Variants in DOP1B observed in about 807,000 individuals in gnomAD.
DOP1B encodes protein DOP1B.
In DOP1B, 174 loss-of-function variants were observed where a neutral mutation model predicts 233.5. The ratio of observed to expected loss-of-function variants is 0.75; its 90% confidence interval spans 0.66 to 0.85. The LOEUF (loss-of-function observed/expected upper bound fraction) is 0.85, where lower values mean the gene tolerates loss of function less well. Ranked by LOEUF, DOP1B falls within the 40% of genes least tolerant of loss-of-function variation. The probability of loss-of-function intolerance (pLI) is 0.00; values close to 1 mark genes in which losing one functional copy is unlikely to be tolerated. For missense variants in DOP1B, 2,652 were observed against 2,846.6 expected (o/e 0.93, Z 1.56); for synonymous variants, 1,190 against 1,185.6 (o/e 1.00, Z -0.08).
rs2067163818 is a variant in DOP1B at position 36,261,029 on chromosome 21, A to G, written c.5315+297A>G. 4 of 1,127,760 alleles carry G rather than the reference A, an allele frequency of 3.5e-6. No homozygotes were observed. The South Asian group carries it at 1.0e-4, about 28-fold the overall frequency. The allele number at this position is 1,127,760 out of a possible 1,614,324, so 69.9% of individuals were successfully genotyped here. On this transcript the variant is annotated intron_variant, in intron 24 of 36. Transcript: ENST00000691173. ...TGCATTAAATTGATACAGAAAAAGA[A>G]AAAAACCACATATAGGGAAGTGTTA...
intron 22 of DOP1B, 54 bp from the exon 23 acceptor site, chr21:36,253,718 T>G (rs1379800505): frequency 1.3e-6 from 2 of 1,582,780 alleles, no homozygotes; most frequent in Non-Finnish European, 1.7e-6. Context: ...TGTGTCATCC[T>G]TATTTTTACT....
At chr21:36,227,374 C>T (rs752902766) in intron 12 of DOP1B, among the ~76,000 whole-genome samples, 77 of 151,358 alleles carry the variant, frequency 5.1e-4, no homozygotes, top group South Asian at 8.4e-4. Context: ...GGTGAAACCC[C>T]ATCTCTACTA....
rs2066504280 is a variant in DOP1B at position 36,212,018 on chromosome 21, G to A, written c.825G>A (p.Val275=). The part of the protein sequence containing the change: ...RAIPLLRSDI[V]RILSAATQTL... ...TCCCCCTCCTCAGATCTGACATCGT[G>A]CGCATTCTCTCAGCCGCCACCCAGA... The change falls in exon 7 of 37, where the codon GTG becomes GTA. Residue 275 remains valine, a synonymous_variant. Coordinates refer to ENST00000691173, the MANE Select transcript of DOP1B (RefSeq NM_001320714.2). 1 of 1,613,954 alleles carries A rather than the reference G, an allele frequency of 6.2e-7. No individual in the cohort carries two copies. Among genetic ancestry groups the A allele is most frequent in the South Asian group, 1.1e-5 (1 of 91,052 alleles).
In DOP1B at chr21:36,288,001, C is replaced by A; in HGVS notation, c.6161-13C>A. 1.2e-6 allele frequency: 2 copies of A among 1,609,220 alleles called. No homozygotes were observed. The highest frequency in any genetic ancestry group is 1.7e-6 in the Non-Finnish European group (2 of 1,178,836). On this transcript the variant is annotated splice_polypyrimidine_tract_variant and intron_variant, in intron 32 of 36. Transcript: ENST00000691173. ...CATATTTGTGTAACATCTTTACAAT[C>A]TTCTTTCCTTAGAACGCCTGACAGA...
At chr21:36,284,363 C>T (rs905607683) in intron 32 of DOP1B, among the ~76,000 whole-genome samples, 22 of 150,766 alleles carry the variant, frequency 1.5e-4, no homozygotes, top group Non-Finnish European at 1.3e-4. Context: ...CTCTGCCTCC[C>T]GGGTTCAAGC....
chr21:36,263,997 C>T (rs895711743), intron 26 of DOP1B, among the ~76,000 whole-genome samples, 183 bp downstream of exon 26: 10 of 152,290 alleles, frequency 6.6e-5, no homozygotes, highest in Middle Eastern at 6.8e-3. Flanking sequence ...TCCCGGGGCC[C>T]GGGTTTTCTG....
chr21:36,163,491 C>T (rs767504739), intron 1 of DOP1B, among the ~76,000 whole-genome samples: 12 of 152,120 alleles, frequency 7.9e-5, no homozygotes, highest in South Asian at 2.1e-4. Context: ...GCTTAAAGAA[C>T]GTGTTGTACC....
chr21:36,166,596 C>A (rs946662653), intron 2 of DOP1B, among the ~76,000 whole-genome samples: 2 of 152,178 alleles, frequency 1.3e-5, no homozygotes, highest in Non-Finnish European at 2.9e-5. Context: ...GCTCAGATGA[C>A]CACTACAACA....
intron 2 of DOP1B, among the ~76,000 whole-genome samples, chr21:36,190,341 A>G (rs1322133628): frequency 1.3e-5 from 2 of 151,822 alleles, no homozygotes; most frequent in African/African-American, 2.4e-5. Flanking sequence ...AAATAAATTA[A>G]TTAAATTAAA....
chr21:36,184,138 TC>T (rs1462842824), intron 2 of DOP1B, among the ~76,000 whole-genome samples: 2 of 152,118 alleles, frequency 1.3e-5, no homozygotes, highest in African/African-American at 4.8e-5. Context: ...AACCTCCGGC[TC>T]CCAGGTTCAA....
At chr21:36,171,955 A>G (rs1337146844) in intron 2 of DOP1B, among the ~76,000 whole-genome samples, 1 of 152,162 alleles carries the variant, frequency 6.6e-6, no homozygotes, top group Non-Finnish European at 1.5e-5. Flanking sequence ...TGCTAAGAAG[A>G]AAAATAAACT....
At chr21:36,163,291 C>G (rs370683844) in intron 1 of DOP1B, among the ~76,000 whole-genome samples, 2 of 139,894 alleles carry the variant, frequency 1.4e-5, no homozygotes, top group Non-Finnish European at 3.0e-5. Flanking sequence ...TTGCAGTGAG[C>G]CAAGATTGCG....
intron 13 of DOP1B, among the ~76,000 whole-genome samples, chr21:36,228,279 A>T (rs1194041540): frequency 6.6e-6 from 1 of 151,988 alleles, no homozygotes; most frequent in Non-Finnish European, 1.5e-5. Context: ...CCCAACCAAC[A>T]TGGCAAAACC....
chr21:36,158,893 C>T lies in DOP1B; in HGVS notation c.-27+1950C>T, dbSNP rs377227176. On this transcript the variant is annotated intron_variant, in intron 1 of 36. Coordinates refer to ENST00000691173, the MANE Select transcript of DOP1B (RefSeq NM_001320714.2). The stretch of plus-strand genomic sequence containing the variant: ...CTGTAATCCCAACACTTTGGGAGGC[C>T]GAGGTGGGCGGATCACCTTACGTCA... 7.9e-5 allele frequency among the ~76,000 whole-genome samples: 12 copies of T among 151,568 alleles called. No homozygotes were observed. In the East Asian group the frequency reaches 2.1e-3, roughly 27 times the overall value.
intron 12 of DOP1B, among the ~76,000 whole-genome samples, chr21:36,226,676 C>G (rs1422769971): frequency 6.6e-6 from 1 of 152,142 alleles, no homozygotes; most frequent in Non-Finnish European, 1.5e-5. Context: ...TCACTGTAGC[C>G]TCATCCTCCC....
chr21:36,209,067 C>T (rs919635709), intron 5 of DOP1B, among the ~76,000 whole-genome samples, 163 bp downstream of exon 5: 26 of 152,186 alleles, frequency 1.7e-4, no homozygotes, highest in Non-Finnish European at 2.4e-4. Context: ...AGAAGGAGGC[C>T]TTGTGCAGTT....
intron 20 of DOP1B, among the ~76,000 whole-genome samples, 159 bp downstream of exon 20, chr21:36,247,787 TAC>T (rs1265431007): frequency 6.6e-6 from 1 of 152,278 alleles, no homozygotes; most frequent in Non-Finnish European, 1.5e-5. Context: ...ATAAGTCACG[TAC>T]ACACGTATGC....
intron 2 of DOP1B, among the ~76,000 whole-genome samples, chr21:36,192,149 A>C (rs1349959323): frequency 6.6e-6 from 1 of 151,936 alleles, no homozygotes; most frequent in East Asian, 2.0e-4. Flanking sequence ...GCTTAAGCTC[A>C]GGAGTTTGAG....
rs948951543 is a variant in DOP1B at position 36,224,319 on chromosome 21, A to G, written c.1370+969A>G. ...CTCAGCCTCCCAAGTAACTGCGACT[A>G]CAGGTGCACGCCACCACACCCAGCT... On this transcript the variant is annotated intron_variant, in intron 11 of 36. Transcript: ENST00000691173. 9.9e-5 allele frequency among the ~76,000 whole-genome samples: 15 copies of G among 152,022 alleles called. 1 individual carries two copies. The highest frequency in any genetic ancestry group is 7.2e-4 in the Admixed American group (11 of 15,258).
Sources: gnomAD v4.1 joint callset for allele counts (sites outside exome capture counted in the v4.1 genomes callset) on GRCh38, gnomAD v4.1.1 for gene constraint, MANE v1.5 for transcripts, NCBI Gene and HGNC (gene_info 2026-07-23, HGNC 2026-07-21) for gene names.